Variants in DPYD observed in about 807,000 individuals in gnomAD.
The protein encoded by DPYD is dihydropyrimidine dehydrogenase [NADP(+)].
A neutral mutation model predicts 116.2 loss-of-function variants in DPYD; 109 were observed. That is an observed-to-expected ratio of 0.94 (90% confidence interval 0.80 to 1.10). DPYD has a LOEUF of 1.10. Among genes scored for constraint, DPYD ranks in the 50% least tolerant of loss-of-function variants. The pLI, the probability that DPYD is intolerant of heterozygous loss-of-function variation, is 0.00. For missense variants in DPYD, 1,302 were observed against 1,254.5 expected (o/e 1.04, Z -0.57); for synonymous variants, 440 against 432.0 (o/e 1.02, Z -0.23).
intron 15 of DPYD, among the ~76,000 whole-genome samples, chr1:97,376,898 T>C (rs1031875719): frequency 2.7e-5 from 4 of 148,868 alleles, no homozygotes; most frequent in African/African-American, 4.9e-5. Context: ...TATATATATA[T>C]ATATGGTGTG....
chr1:97,503,372 G>C (rs1424780944), intron 13 of DPYD, among the ~76,000 whole-genome samples: 2 of 151,870 alleles, frequency 1.3e-5, no homozygotes, highest in Non-Finnish European at 2.9e-5. Flanking sequence ...CAACTATCAG[G>C]AGTATAACTG....
In DPYD at chr1:97,816,684, A is replaced by G. The variant is rs190507961; in HGVS notation, c.233+11430T>C. Among the ~76,000 whole-genome samples the G allele has an allele frequency of 1.1e-4, 16 of 152,288 alleles. No homozygotes were observed. In the East Asian group the frequency reaches 3.1e-3, roughly 29 times the overall value. On this transcript the variant is annotated intron_variant, in intron 3 of 22. Coordinates refer to ENST00000370192, the MANE Select transcript of DPYD (RefSeq NM_000110.4). The stretch of plus-strand genomic sequence containing the variant: ...TTTTAACTATAAAACATAAACATGA[A>G]TAATCAATGCTAGTTAATTCAGTGG...
chr1:97,240,232 T>C (rs1180148436), intron 18 of DPYD, among the ~76,000 whole-genome samples: 1 of 142,070 alleles, frequency 7.0e-6, no homozygotes, highest in East Asian at 2.7e-4. Context: ...GACATCAATA[T>C]ATTTAAGATT....
intron 2 of DPYD, among the ~76,000 whole-genome samples, chr1:97,865,594 A>C (rs1045721506): frequency 2.0e-5 from 3 of 152,066 alleles, no homozygotes; most frequent in Non-Finnish European, 4.4e-5. Context: ...ATAGGCAGTA[A>C]ATTTTTTTCT....
At chr1:97,244,386 C>T (rs990161606) in intron 18 of DPYD, among the ~76,000 whole-genome samples, 10 of 151,904 alleles carry the variant, frequency 6.6e-5, no homozygotes, top group East Asian at 3.9e-4. Context: ...AACAATTACC[C>T]GACAACACAG....
intron 19 of DPYD, among the ~76,000 whole-genome samples, chr1:97,203,793 CAAAAAAA>C (rs56819543): frequency 6.1e-5 from 4 of 65,714 alleles, no homozygotes; most frequent in Admixed American, 2.0e-4. Context: ...ATTCACATTC[CAAAAAAA>C]AAAAAAAAAA....
chr1:97,671,423 T>C (rs1417431737), intron 8 of DPYD, among the ~76,000 whole-genome samples: 1 of 152,162 alleles, frequency 6.6e-6, no homozygotes, highest in Non-Finnish European at 1.5e-5. Context: ...GACATAATTA[T>C]AAGGCATCAA....
At chr1:97,525,978 A>AGTGTGTGT (rs71071658) in intron 12 of DPYD, among the ~76,000 whole-genome samples, 22,006 of 137,964 alleles carry the variant, frequency 0.16, 1,826 homozygotes, top group East Asian at 0.23. Flanking sequence ...GGTAATTAAG[A>AGTGTGTGT]GTGTGTGTGT....
chr1:97,904,265 A>G (rs1673500563), intron 1 of DPYD, among the ~76,000 whole-genome samples: 1 of 152,056 alleles, frequency 6.6e-6, no homozygotes. Flanking sequence ...CATTATTAAA[A>G]CAATGGAATA....
intron 8 of DPYD, among the ~76,000 whole-genome samples, chr1:97,658,497 C>T (rs1659069684): frequency 6.6e-6 from 1 of 152,242 alleles, no homozygotes; most frequent in South Asian, 2.1e-4. Flanking sequence ...ATTCGAACAG[C>T]TTCTTACTAG....
intron 8 of DPYD, among the ~76,000 whole-genome samples, chr1:97,634,810 T>C (rs1657472355): frequency 6.6e-6 from 1 of 151,896 alleles, no homozygotes; most frequent in Non-Finnish European, 1.5e-5. Context: ...GAACAAAGCC[T>C]ATTCACTGTC....
chr1:97,743,204 T>A (rs1234445817), intron 3 of DPYD, among the ~76,000 whole-genome samples: 1 of 152,152 alleles, frequency 6.6e-6, no homozygotes, highest in South Asian at 2.1e-4. Context: ...GTTGAAAATG[T>A]CAGATGTTAA....
intron 13 of DPYD, among the ~76,000 whole-genome samples, chr1:97,468,215 A>G (rs1178428803): frequency 6.6e-6 from 1 of 152,184 alleles, no homozygotes; most frequent in Non-Finnish European, 1.5e-5. Context: ...ACTGCTACTT[A>G]CATTAATTTC....
intron 20 of DPYD, among the ~76,000 whole-genome samples, chr1:97,116,887 A>AC (rs1307045166): frequency 6.6e-6 from 1 of 151,322 alleles, no homozygotes; most frequent in East Asian, 2.0e-4. Context: ...AGTGACTCAC[A>AC]CCTGTAATTC....
intron 8 of DPYD, among the ~76,000 whole-genome samples, chr1:97,672,883 A>G (rs1245587598): frequency 6.6e-6 from 1 of 152,086 alleles, no homozygotes; most frequent in Admixed American, 6.6e-5. Context: ...GTCTGTTATA[A>G]TATTTGGGAA....
At chr1:97,314,131 G>C (rs1318316482) in intron 16 of DPYD, among the ~76,000 whole-genome samples, 1 of 151,894 alleles carries the variant, frequency 6.6e-6, no homozygotes, top group Non-Finnish European at 1.5e-5. Flanking sequence ...GGAGAGAACT[G>C]TCTCCTACTG....
chr1:97,906,382 C>A (rs1571564329), intron 1 of DPYD, among the ~76,000 whole-genome samples: 1 of 152,200 alleles, frequency 6.6e-6, no homozygotes, highest in East Asian at 1.9e-4. Flanking sequence ...TTATGACTTT[C>A]TGTCTTGATA....
intron 13 of DPYD, among the ~76,000 whole-genome samples, chr1:97,503,376 A>G (rs974085390): frequency 2.0e-5 from 3 of 152,012 alleles, no homozygotes; most frequent in African/African-American, 7.2e-5. Flanking sequence ...TATCAGGAGT[A>G]TAACTGAGCA....
At chr1:97,287,366 G>A (rs60600201) in intron 18 of DPYD, among the ~76,000 whole-genome samples, 16,220 of 152,158 alleles carry the variant, frequency 0.11, 1,546 homozygotes, top group African/African-American at 0.26. Context: ...TAGGCTGCTC[G>A]GGGGTCAGGG....
Sources: allele counts gnomAD v4.1 joint callset (sites outside exome capture counted in the v4.1 genomes callset), GRCh38; gene constraint gnomAD v4.1.1; transcripts MANE v1.5; gene names NCBI Gene and HGNC (gene_info 2026-07-23, HGNC 2026-07-21).